Variants in PKHD1 observed in about 807,000 individuals in gnomAD.
PKHD1 encodes fibrocystin.
In PKHD1, 291 loss-of-function variants were observed where a neutral mutation model predicts 412.0. The observed-to-expected ratio is 0.71, with a 90% CI of 0.64 to 0.78. PKHD1 has a LOEUF of 0.78. PKHD1 is among the 30% of genes least tolerant of loss of function. PKHD1 has a pLI of 0.00. For synonymous variants in PKHD1, 1,777 were observed against 1,821.5 expected, an observed-to-expected ratio of 0.98 and a Z score of 0.62; for missense variants, 4,825 against 4,950.7, an observed-to-expected ratio of 0.97 and a Z score of 0.76.
At chr6:52,067,355 A>G (rs1809894210) in intron 11 of PKHD1, among the ~76,000 whole-genome samples, 1 of 152,254 alleles carries the variant, frequency 6.6e-6, no homozygotes, top group African/African-American at 2.4e-5. Flanking sequence ...ACACAGATCA[A>G]AAACAAAATT....
chr6:51,800,980 G>A (rs1326572), intron 52 of PKHD1, among the ~76,000 whole-genome samples: 89,838 of 151,944 alleles, frequency 0.59, 27,215 homozygotes, highest in East Asian at 0.83. Flanking sequence ...CTTGGCTCCT[G>A]TGTTTTCTAT....
At chr6:51,941,745 C>G (rs1583484037) in intron 36 of PKHD1, among the ~76,000 whole-genome samples, 9 of 150,874 alleles carry the variant, frequency 6.0e-5, no homozygotes, top group South Asian at 2.1e-4. Context: ...ACCCATTATT[C>G]TGTTCTGGAT....
At chr6:51,756,987 A>G (rs1161122764) in intron 55 of PKHD1, among the ~76,000 whole-genome samples, 1 of 152,082 alleles carries the variant, frequency 6.6e-6, no homozygotes, top group Non-Finnish European at 1.5e-5. Context: ...TCCCTCACAT[A>G]CACAGTTCAC....
chr6:51,670,898 A>G (rs1774834279), intron 60 of PKHD1, among the ~76,000 whole-genome samples: 1 of 151,798 alleles, frequency 6.6e-6, no homozygotes, highest in Non-Finnish European at 1.5e-5. Context: ...TGGCTTGTAG[A>G]GTTTCTGCCG....
At chr6:52,069,858 G>GA (rs1384214537) in intron 10 of PKHD1, among the ~76,000 whole-genome samples, 1 of 152,136 alleles carries the variant, frequency 6.6e-6, no homozygotes, top group Non-Finnish European at 1.5e-5. Flanking sequence ...GAGAAAGAGA[G>GA]AAAATCTCCA....
At chr6:52,082,261 G>A in intron 4 of PKHD1, 131 bp downstream of exon 4, 1 of 908,694 alleles carries the variant, frequency 1.1e-6, no homozygotes, top group Middle Eastern at 2.2e-4. Context: ...ATATTCACAT[G>A]AAACTTTTTT....
At position 52,022,992 on chromosome 6, in the gene PKHD1, T is replaced by C. The variant is rs761790020; in HGVS notation, c.5237-48A>G. ...TCTTGATCATACAGGCAAATCTCCC[T>C]TCTTTACTCAACTCAAAATTCAAAC... On this transcript the variant is annotated intron_variant, in intron 32 of 66. Coordinates refer to ENST00000371117, the MANE Select transcript of PKHD1 (RefSeq NM_138694.4). 3.1e-6 allele frequency: 5 copies of C among 1,608,670 alleles called. No homozygotes were observed. In the Admixed American group the frequency reaches 8.3e-5, roughly 27 times the overall value.
At chr6:52,051,589 T>TGATTCCA (rs1806854672) in intron 21 of PKHD1, among the ~76,000 whole-genome samples, 1 of 152,168 alleles carries the variant, frequency 6.6e-6, no homozygotes, top group Non-Finnish European at 1.5e-5. Context: ...CACCCCTGGA[T>TGATTCCA]GATTCCAGAT....
At position 52,035,643 on chromosome 6, in the gene PKHD1, A is replaced by G. The variant is rs1425978073; in HGVS notation, c.3176T>C (p.Ile1059Thr). The G allele has an allele frequency of 1.2e-6, 2 of 1,613,954 alleles. No individual in the cohort carries two copies. Among genetic ancestry groups the G allele is most frequent in the South Asian group, 1.1e-5 (1 of 91,070 alleles). The change falls in exon 28 of 67, where the codon ATC becomes ACC. Residue 1059 changes from isoleucine to threonine, a missense_variant. By Grantham distance (89) the Ile-to-Thr change is moderately conservative. Coordinates refer to ENST00000371117, the MANE Select transcript of PKHD1 (RefSeq NM_138694.4). The part of the protein sequence containing the change: ...LILFGSYSCA[I>T]NVATSNSSRI... ...GCTTGAATTGCTTGTAGCGACATTG[A>G]TGGCACACGAGTAAGATCCAAATAA... is the stretch of plus-strand genomic sequence containing the variant.
intron 35 of PKHD1, among the ~76,000 whole-genome samples, chr6:51,982,758 A>T (rs1795637415): frequency 7.0e-6 from 1 of 142,684 alleles, no homozygotes; most frequent in South Asian, 2.3e-4. Flanking sequence ...CTATTGTCCT[A>T]TGACCCTGCC....
rs1196637243 is a variant in PKHD1, at chr6:51,909,464, C to G, written c.6501G>C (p.Gln2167His). 6.2e-7 allele frequency: 1 copy of G among 1,612,432 alleles called. No homozygotes were observed. Among genetic ancestry groups the G allele is most frequent in the Non-Finnish European group, 8.5e-7 (1 of 1,178,796 alleles). The change falls in exon 40 of 67, where the codon CAG becomes CAC. Residue 2167 changes from glutamine to histidine, a missense_variant. Coordinates refer to ENST00000371117, the MANE Select transcript of PKHD1 (RefSeq NM_138694.4). ...QEANAPEGNL[Q>H]HCLYSMSEKM... Reference sequence around the variant, plus strand: ...TCTCACTCATGGAATACAAACAGTGCTGCAGATTACCTGAAATGCAAAATA... The same window carrying G: ...TCTCACTCATGGAATACAAACAGTGGTGCAGATTACCTGAAATGCAAAATA...
intron 52 of PKHD1, among the ~76,000 whole-genome samples, chr6:51,819,760 T>C (rs576167237): frequency 6.6e-6 from 1 of 152,344 alleles, no homozygotes; most frequent in South Asian, 2.1e-4. Flanking sequence ...TCACACATTA[T>C]GCAAACAGCA....
At chr6:51,805,399 A>G (rs751272123) in intron 52 of PKHD1, among the ~76,000 whole-genome samples, 1 of 152,174 alleles carries the variant, frequency 6.6e-6, no homozygotes, top group Non-Finnish European at 1.5e-5. Context: ...GGATGAAGGC[A>G]AGGGCTGAAG....
At chr6:51,713,565 A>T (rs1780897998) in intron 60 of PKHD1, among the ~76,000 whole-genome samples, 1 of 152,204 alleles carries the variant, frequency 6.6e-6, no homozygotes, top group Admixed American at 6.5e-5. Context: ...TGATTTTTGC[A>T]GATTTATATC....
intron 55 of PKHD1, among the ~76,000 whole-genome samples, chr6:51,765,491 T>A (rs1222719749): frequency 6.6e-6 from 1 of 152,122 alleles, no homozygotes; most frequent in Admixed American, 6.6e-5. Context: ...TATAGTGACC[T>A]TCTTCCTGTT....
chr6:51,985,521 G>A (rs1038353763), intron 35 of PKHD1, among the ~76,000 whole-genome samples: 3 of 152,182 alleles, frequency 2.0e-5, no homozygotes, highest in African/African-American at 7.2e-5. Context: ...TTGAGGCCAG[G>A]AGTTCGAGAC....
chr6:51,813,453 T>C (rs1404445528), intron 52 of PKHD1, among the ~76,000 whole-genome samples: 3 of 152,234 alleles, frequency 2.0e-5, no homozygotes, highest in Non-Finnish European at 4.4e-5. Flanking sequence ...TGATATTTCC[T>C]CAACATGCCA....
At position 51,821,706 on chromosome 6, in the gene PKHD1, TTTTGTTTG is replaced by T. The variant is rs573765109; in HGVS notation, c.8302+9147_8302+9154del. The stretch of plus-strand genomic sequence containing the variant: ...ATGACAGGGATTCAGTGATTTCATT[TTTTGTTTG>T]TTTGTTTGTTTGTTTTTTGAGACGG... On this transcript the variant is annotated intron_variant, in intron 52 of 66. Coordinates refer to ENST00000371117, the MANE Select transcript of PKHD1 (RefSeq NM_138694.4). 1.2e-3 allele frequency among the ~76,000 whole-genome samples: 189 copies of T among 152,310 alleles called. 2 individuals carry two copies. The highest frequency in any genetic ancestry group is 4.4e-3 in the African/African-American group (182 of 41,574).
chr6:51,693,895 T>C (rs2150651247), intron 60 of PKHD1, among the ~76,000 whole-genome samples: 1 of 152,314 alleles, frequency 6.6e-6, no homozygotes, highest in Non-Finnish European at 1.5e-5. Context: ...ATGAGGCATA[T>C]AGGGCTTAAG....
Sources: gnomAD v4.1 joint callset for allele counts (sites outside exome capture counted in the v4.1 genomes callset) on GRCh38, gnomAD v4.1.1 for gene constraint, MANE v1.5 for transcripts, NCBI Gene and HGNC (gene_info 2026-07-23, HGNC 2026-07-21) for gene names.